SPECC1L: variants seen among roughly 807,000 people sequenced by gnomAD.
SPECC1L encodes cytospin-A.
Under a neutral mutation model 116.8 loss-of-function variants are expected in SPECC1L, and 40 were observed. That is an observed-to-expected ratio of 0.34 (90% CI 0.27 to 0.45). The LOEUF (loss-of-function observed/expected upper bound fraction) is 0.45. SPECC1L is among the 20% of genes least tolerant of loss of function. The pLI, the probability that SPECC1L is intolerant of heterozygous loss-of-function variation, is 1.00. For missense variants in SPECC1L, 1,110 were observed against 1,373.6 expected (o/e 0.81, Z 3.03); for synonymous variants, 504 against 500.6 (o/e 1.01, Z -0.09).
At chr22:24,388,130 G>A (rs1048099443) in intron 14 of SPECC1L, among the ~76,000 whole-genome samples, 19 of 151,808 alleles carry the variant, frequency 1.3e-4, no homozygotes, top group African/African-American at 4.1e-4. Context: ...TGTGCACAAC[G>A]TGCAGGTTAG....
rs191977342 is a variant in SPECC1L at position 24,287,708 on chromosome 22, T to C, written c.-38+10905T>C. 2.6e-3 allele frequency among the ~76,000 whole-genome samples: 400 copies of C among 152,316 alleles called. 2 individuals are homozygous for C. The highest frequency in any genetic ancestry group is 8.9e-3 in the African/African-American group (372 of 41,570). On this transcript the variant is annotated intron_variant, in intron 2 of 16. Transcript: ENST00000314328. Reference sequence around the variant, plus strand: ...TTCAGACTCCTGCTCTACCATTTGCTTCGGGATCACCTTTTACAGTGGATC... The same window carrying C: ...TTCAGACTCCTGCTCTACCATTTGCCTCGGGATCACCTTTTACAGTGGATC...
At chr22:24,408,013 T>TGA (rs1243900869) in intron 14 of SPECC1L, among the ~76,000 whole-genome samples, 2 of 152,180 alleles carry the variant, frequency 1.3e-5, no homozygotes, top group East Asian at 3.8e-4. Context: ...GTGGCCTGGG[T>TGA]GAGTGTCTTG....
At chr22:24,334,133 C>T (rs1341530852) in intron 8 of SPECC1L, among the ~76,000 whole-genome samples, 4 of 151,914 alleles carry the variant, frequency 2.6e-5, no homozygotes, top group African/African-American at 9.7e-5. Flanking sequence ...CTGCCTCAGC[C>T]TCCCAAGTAG....
intron 10 of SPECC1L, among the ~76,000 whole-genome samples, chr22:24,338,836 G>C (rs2041115479): frequency 6.6e-6 from 1 of 152,310 alleles, no homozygotes; most frequent in South Asian, 2.1e-4. Flanking sequence ...GGCCCAGAAA[G>C]GTTAAGTAAC....
At chr22:24,317,728 G>A (rs2040625633) in intron 4 of SPECC1L, among the ~76,000 whole-genome samples, 1 of 151,670 alleles carries the variant, frequency 6.6e-6, no homozygotes, top group Admixed American at 6.5e-5. Flanking sequence ...TCCCAGACGG[G>A]GTGGCTGCCG....
At chr22:24,399,485 G>T (rs1202005902) in intron 14 of SPECC1L, among the ~76,000 whole-genome samples, 6 of 152,130 alleles carry the variant, frequency 3.9e-5, no homozygotes, top group Non-Finnish European at 7.4e-5. Context: ...CAGGAGAATG[G>T]TGTGAACCTG....
intron 8 of SPECC1L, 38 bp from the exon 9 acceptor site, chr22:24,334,372 C>A: frequency 6.2e-7 from 1 of 1,606,394 alleles, no homozygotes; most frequent in Non-Finnish European, 8.5e-7. Context: ...TGTTCTAGTA[C>A]CTATGTAAAA....
At chr22:24,287,566 C>T (rs1206074259) in intron 2 of SPECC1L, among the ~76,000 whole-genome samples, 1 of 152,180 alleles carries the variant, frequency 6.6e-6, no homozygotes, top group Non-Finnish European at 1.5e-5. Flanking sequence ...AAAAATGTCT[C>T]TGAAGATTTA....
At chr22:24,389,786 A>C (rs78519718) in intron 14 of SPECC1L, among the ~76,000 whole-genome samples, 6,382 of 152,278 alleles carry the variant, frequency 0.042, 448 homozygotes, top group African/African-American at 0.15. Flanking sequence ...AAATAGGAGA[A>C]AAAGGAAGTG....
intron 11 of SPECC1L, among the ~76,000 whole-genome samples, chr22:24,347,948 T>C (rs964800731): frequency 6.6e-6 from 1 of 152,184 alleles, no homozygotes; most frequent in African/African-American, 2.4e-5. Flanking sequence ...AGTGATGTGA[T>C]TATAGGCGCA....
chr22:24,363,523 G>A (rs1389887187), intron 12 of SPECC1L, among the ~76,000 whole-genome samples, 179 bp downstream of exon 12: 1 of 152,122 alleles, frequency 6.6e-6, no homozygotes, highest in Non-Finnish European at 1.5e-5. Flanking sequence ...CACTGTGCCC[G>A]GCCTAGCTGG....
chr22:24,362,158 C>T (rs1414835239), intron 11 of SPECC1L, among the ~76,000 whole-genome samples: 1 of 152,150 alleles, frequency 6.6e-6, no homozygotes, highest in Non-Finnish European at 1.5e-5. Context: ...TCTCTGTGTC[C>T]TGGTCTGAAG....
chr22:24,305,349 C>G (rs976723540), intron 3 of SPECC1L, among the ~76,000 whole-genome samples: 5 of 152,158 alleles, frequency 3.3e-5, no homozygotes, highest in African/African-American at 1.2e-4. Context: ...TCCTGTCCTC[C>G]CCCAAAGTAA....
chr22:24,328,577 C>T (rs971172134), intron 6 of SPECC1L, among the ~76,000 whole-genome samples: 4 of 151,998 alleles, frequency 2.6e-5, no homozygotes, highest in East Asian at 1.9e-4. Flanking sequence ...GAATTTCTAA[C>T]GGTTTTACTT....
At chr22:24,315,761 G>A (rs1255986514) in intron 4 of SPECC1L, among the ~76,000 whole-genome samples, 1 of 152,182 alleles carries the variant, frequency 6.6e-6, no homozygotes, top group Non-Finnish European at 1.5e-5. Context: ...AGACTGGATG[G>A]CTTAAGCCAC....
intron 11 of SPECC1L, among the ~76,000 whole-genome samples, chr22:24,357,866 C>A (rs75428147): frequency 6.6e-6 from 1 of 152,180 alleles, no homozygotes; most frequent in Non-Finnish European, 1.5e-5. Flanking sequence ...TACCCTCTTA[C>A]AATGCTTTCA....
At chr22:24,275,198 T>C (rs2048813527) in intron 1 of SPECC1L, among the ~76,000 whole-genome samples, 1 of 152,210 alleles carries the variant, frequency 6.6e-6, no homozygotes, top group Non-Finnish European at 1.5e-5. Context: ...AGACCGTAAG[T>C]GTGTGGCTTG....
chr22:24,285,008 G>A (rs1337842512), intron 2 of SPECC1L, among the ~76,000 whole-genome samples: 1 of 152,120 alleles, frequency 6.6e-6, no homozygotes, highest in Non-Finnish European at 1.5e-5. Flanking sequence ...GATGGAGGAA[G>A]GTAAAAGAAA....
At chr22:24,334,322 T>G in intron 8 of SPECC1L, 88 bp from the exon 9 acceptor site, 3 of 1,413,982 alleles carry the variant, frequency 2.1e-6, no homozygotes, top group Non-Finnish European at 2.0e-6. Flanking sequence ...ATTAAACTGA[T>G]AGTTTTTAAT....
Sources: allele counts gnomAD v4.1 joint callset (sites outside exome capture counted in the v4.1 genomes callset), GRCh38; gene constraint gnomAD v4.1.1; transcripts MANE v1.5; gene names NCBI Gene and HGNC (gene_info 2026-07-23, HGNC 2026-07-21).